The following MYO3B variants were observed in gnomAD, a reference collection of about 807,000 sequenced individuals.
MYO3B encodes myosin IIIB.
MYO3B carries 156 observed loss-of-function variants against 174.6 expected under a neutral mutation model. The observed-to-expected ratio is 0.89, with a 90% confidence interval of 0.78 to 1.02. The LOEUF is 1.02. Ranked by LOEUF, MYO3B falls within the 50% of genes least tolerant of loss-of-function variation. The pLI, the probability that MYO3B is intolerant of heterozygous loss-of-function variation, is 0.00. For missense variants in MYO3B, 1,632 were observed against 1,639.4 expected (o/e 1.00, Z 0.08); for synonymous variants, 563 against 569.1 (o/e 0.99, Z 0.15).
chr2:170,602,158 C>T (rs1406768475), intron 32 of MYO3B: 7 of 1,240,246 alleles, frequency 5.6e-6, no homozygotes, highest in South Asian at 2.4e-5. Context: ...ACACTCCTCC[C>T]GACAAGTTTG....
chr2:170,536,738 C>T (rs533335845), intron 30 of MYO3B, among the ~76,000 whole-genome samples: 1 of 152,284 alleles, frequency 6.6e-6, no homozygotes, highest in African/African-American at 2.4e-5. Flanking sequence ...GATGTCATTC[C>T]TTAAATATCT....
chr2:170,584,606 G>A (rs1347003406), intron 32 of MYO3B, among the ~76,000 whole-genome samples: 1 of 152,182 alleles, frequency 6.6e-6, no homozygotes, highest in African/African-American at 2.4e-5. Context: ...TTGCATAAGT[G>A]CCAGAGAATA....
At chr2:170,591,770 T>A (rs1693830724) in intron 32 of MYO3B, among the ~76,000 whole-genome samples, 1 of 152,230 alleles carries the variant, frequency 6.6e-6, no homozygotes, top group Non-Finnish European at 1.5e-5. Context: ...TCTTAATGTC[T>A]CTTCCCCCAT....
chr2:170,483,638 G>A (rs547888486), intron 25 of MYO3B, among the ~76,000 whole-genome samples: 4 of 125,928 alleles, frequency 3.2e-5, no homozygotes, highest in East Asian at 1.9e-4. Context: ...CGCCTGCCTC[G>A]GCCTCCCAAG....
chr2:170,198,099 C>T (rs2092620191), intron 1 of MYO3B, among the ~76,000 whole-genome samples: 1 of 127,746 alleles, frequency 7.8e-6, no homozygotes, highest in African/African-American at 3.1e-5. Context: ...TCAGGAGCAC[C>T]TTTCTCCTTT....
chr2:170,325,996 T>C (rs1039162855), intron 7 of MYO3B, among the ~76,000 whole-genome samples: 1 of 152,170 alleles, frequency 6.6e-6, no homozygotes, highest in Admixed American at 6.5e-5. Context: ...ACAATTTTCA[T>C]ATAAAACAAC....
At chr2:170,608,273 C>G (rs1245774375) in intron 32 of MYO3B, among the ~76,000 whole-genome samples, 1 of 152,188 alleles carries the variant, frequency 6.6e-6, no homozygotes. Flanking sequence ...AATTTTATTA[C>G]TTACTTGCTA....
intron 32 of MYO3B, among the ~76,000 whole-genome samples, chr2:170,564,464 C>T (rs1691938892): frequency 6.6e-6 from 1 of 152,132 alleles, no homozygotes; most frequent in South Asian, 2.1e-4. Flanking sequence ...TGGAACGAGC[C>T]TCCATCTCAA....
At chr2:170,254,594 A>T (rs1381384697) in intron 7 of MYO3B, among the ~76,000 whole-genome samples, 4 of 152,184 alleles carry the variant, frequency 2.6e-5, no homozygotes, top group Non-Finnish European at 5.9e-5. Context: ...CCCCCAGCAC[A>T]GCTGGTGCTT....
At chr2:170,284,399 C>T (rs539166674) in intron 7 of MYO3B, among the ~76,000 whole-genome samples, 9 of 152,206 alleles carry the variant, frequency 5.9e-5, no homozygotes, top group Non-Finnish European at 1.0e-4. Flanking sequence ...TGGTTCAGCT[C>T]AATACATGTC....
chr2:170,432,579 ATT>A (rs777859423), intron 22 of MYO3B, among the ~76,000 whole-genome samples: 1 of 145,340 alleles, frequency 6.9e-6, no homozygotes. Flanking sequence ...AAAAAAAGAA[ATT>A]TTTTTTTTTT....
At chr2:170,426,385 G>C (rs1039652660) in intron 22 of MYO3B, among the ~76,000 whole-genome samples, 1 of 147,878 alleles carries the variant, frequency 6.8e-6, no homozygotes, top group African/African-American at 2.5e-5. Flanking sequence ...ACCCAGGCTC[G>C]AGTGCAGTGG....
At chr2:170,284,071 A>T (rs2093535449) in intron 7 of MYO3B, among the ~76,000 whole-genome samples, 1 of 152,190 alleles carries the variant, frequency 6.6e-6, no homozygotes, top group Admixed American at 6.5e-5. Flanking sequence ...ATACCAAAAC[A>T]ATGACTACTC....
chr2:170,640,458 G>C (rs1249786029), intron 32 of MYO3B: 1 of 152,334 alleles, frequency 6.6e-6, no homozygotes, highest in East Asian at 1.9e-4. Context: ...TCATACTCCA[G>C]TTTTTCTGAC....
intron 25 of MYO3B, among the ~76,000 whole-genome samples, chr2:170,482,686 T>C (rs143923101): frequency 6.6e-6 from 1 of 152,372 alleles, no homozygotes; most frequent in Non-Finnish European, 1.5e-5. Flanking sequence ...TTTTACAATA[T>C]CACTGAAAGA....
At chr2:170,646,538 G>C (rs1698392628) in intron 32 of MYO3B, among the ~76,000 whole-genome samples, 1 of 152,050 alleles carries the variant, frequency 6.6e-6, no homozygotes, top group African/African-American at 2.4e-5. Context: ...GGGACCATAG[G>C]TGCATGCCAA....
chr2:170,489,297 G>T (rs1269060822), intron 25 of MYO3B, among the ~76,000 whole-genome samples: 1 of 152,214 alleles, frequency 6.6e-6, no homozygotes, highest in Non-Finnish European at 1.5e-5. Flanking sequence ...TGCAGAGACA[G>T]CCCTGTGGGA....
intron 14 of MYO3B, among the ~76,000 whole-genome samples, chr2:170,389,625 T>G (rs1425988342): frequency 2.0e-5 from 3 of 152,054 alleles, no homozygotes; most frequent in Non-Finnish European, 4.4e-5. Context: ...GTAGAAAAAC[T>G]AAAGGAATGT....
chr2:170,326,844 T>C (rs1205745500), intron 7 of MYO3B, among the ~76,000 whole-genome samples: 2 of 152,170 alleles, frequency 1.3e-5, no homozygotes, highest in Admixed American at 1.3e-4. Flanking sequence ...AGGCCTGGGG[T>C]AATAATACCT....
Sources: gnomAD v4.1 joint callset for allele counts (sites outside exome capture counted in the v4.1 genomes callset) on GRCh38, gnomAD v4.1.1 for gene constraint, MANE v1.5 for transcripts, NCBI Gene and HGNC (gene_info 2026-07-23, HGNC 2026-07-21) for gene names.